MGA: variants seen among roughly 807,000 people sequenced by gnomAD.
The protein encoded by MGA is MAX dimerization protein MGA.
In MGA, 40 loss-of-function variants were observed where a neutral mutation model predicts 261.1. The observed-to-expected ratio is 0.15, with a 90% CI of 0.12 to 0.20. The LOEUF (loss-of-function observed/expected upper bound fraction) is 0.20, where lower values mean the gene tolerates loss of function less well. MGA is among the 10% of genes least tolerant of loss of function. The probability of loss-of-function intolerance (pLI) is 1.00; values close to 1 mark genes in which losing one functional copy is unlikely to be tolerated. For synonymous variants in MGA, 1,302 were observed against 1,290.6 expected (o/e 1.01, Z -0.19); for missense variants, 3,397 against 3,630.5 (o/e 0.94, Z 1.65).
At chr15:41,705,164 C>G (rs2060043475) in intron 5 of MGA, among the ~76,000 whole-genome samples, 1 of 152,090 alleles carries the variant, frequency 6.6e-6, no homozygotes, top group Non-Finnish European at 1.5e-5. Flanking sequence ...TCTCAGTTGT[C>G]TGTTACTTGG....
At position 41,711,382 on chromosome 15, in the gene MGA, G is replaced by C. The variant is rs754582076; in HGVS notation, c.3084+33G>C. ...GCTGCTGTTTTCTGGAGGTATATTA[G>C]TGCTTGGCTAGAAAGAGCGAGGTTA... is the stretch of plus-strand genomic sequence containing the variant. On this transcript the variant is annotated intron_variant, in intron 8 of 23. Transcript: ENST00000219905. The C allele has an allele frequency of 2.6e-6, 4 of 1,541,796 alleles. No homozygotes were observed. In the Admixed American group the frequency reaches 6.2e-5, roughly 24 times the overall value.
intron 1 of MGA, among the ~76,000 whole-genome samples, chr15:41,641,186 TA>T (rs1011058771): frequency 2.1e-4 from 32 of 152,354 alleles, no homozygotes; most frequent in African/African-American, 7.5e-4. Flanking sequence ...TATGGCTGAA[TA>T]ATATTTCATT....
At chr15:41,747,139 A>G (rs2062548952) in intron 15 of MGA, among the ~76,000 whole-genome samples, 1 of 152,132 alleles carries the variant, frequency 6.6e-6, no homozygotes, top group Non-Finnish European at 1.5e-5. Context: ...TTTGTTTTAA[A>G]AACATCTTTT....
upstream of MGA, among the ~76,000 whole-genome samples, chr15:41,656,833 G>C (rs1249488842): frequency 6.6e-6 from 1 of 152,178 alleles, no homozygotes; most frequent in Non-Finnish European, 1.5e-5. Flanking sequence ...CTGGAGTGCA[G>C]TGGCACAATC....
At position 41,768,344 on chromosome 15, in the gene MGA, C is replaced by T. The variant is rs1307327029; in HGVS notation, c.*1064C>T. The T allele has an allele frequency of 6.6e-6, 1 of 152,610 alleles. No homozygotes were observed. The allele number at this position is 152,610 out of a possible 1,614,324, so 9.5% of individuals were successfully genotyped here. A position where few individuals can be genotyped will look rare whatever the true frequency, so the allele number is the denominator to read the frequency against. On this transcript the variant is annotated 3_prime_UTR_variant, in exon 24 of 24. Transcript: ENST00000219905. ...CAATGATCTGTAGAGCTTTTTCACT[C>T]ATTAACTGTCAGGATATGAAGGACT...
At chr15:41,688,104 C>T (rs1027434817) in intron 2 of MGA, among the ~76,000 whole-genome samples, 1 of 152,144 alleles carries the variant, frequency 6.6e-6, no homozygotes, top group African/African-American at 2.4e-5. Context: ...GAGATGGAAC[C>T]TCGCTCTGTC....
In MGA at chr15:41,767,194, C is replaced by G; in HGVS notation, c.9112C>G (p.Arg3038Gly). Reference sequence around the variant, plus strand: ...CTTAACAGGGAATGACCAGGAAGGCCGGGAAAGCAAGGTGATGCCTACATT... The same window carrying G: ...CTTAACAGGGAATGACCAGGAAGGCGGGGAAAGCAAGGTGATGCCTACATT... The change falls in exon 24 of 24, where the codon CGG becomes GGG. Residue 3038 changes from arginine (R) to glycine (G), a missense_variant. Transcript: ENST00000219905. 2 of 1,613,994 alleles carry G rather than the reference C, an allele frequency of 1.2e-6. No homozygotes were observed. Among genetic ancestry groups the G allele is most frequent in the African/African-American group, 1.3e-5 (1 of 75,038 alleles).
rs1352363951 is a variant in MGA, at chr15:41,758,422, A to G, written c.7191+583A>G. ...AATGATGGGGGTTGGGTTGAAGTAGAGGGTGGCATTTGGTTCCTTTAAAAA... is the reference window on the plus strand; with the variant it reads ...AATGATGGGGGTTGGGTTGAAGTAGGGGGTGGCATTTGGTTCCTTTAAAAA... On this transcript the variant is annotated intron_variant, in intron 19 of 23. Coordinates refer to ENST00000219905, the MANE Select transcript of MGA (RefSeq NM_001164273.2). Among the ~76,000 whole-genome samples, 3 of 152,110 alleles carry G rather than the reference A, an allele frequency of 2.0e-5. No homozygotes were observed. In the East Asian group the frequency reaches 5.8e-4, roughly 29 times the overall value.
At chr15:41,670,805 C>T (rs1365802759) in intron 2 of MGA, among the ~76,000 whole-genome samples, 2 of 152,090 alleles carry the variant, frequency 1.3e-5, no homozygotes, top group East Asian at 1.9e-4. Flanking sequence ...CGTGCCCGGC[C>T]GTAAGCAATA....
chr15:41,642,709 G>C (rs1179327917), intron 1 of MGA, among the ~76,000 whole-genome samples: 1 of 151,980 alleles, frequency 6.6e-6, no homozygotes, highest in Non-Finnish European at 1.5e-5. Context: ...TCTTGACCTT[G>C]TGATTCCCCC....
chr15:41,706,956 C>G (rs2060150107), intron 5 of MGA, among the ~76,000 whole-genome samples: 1 of 152,168 alleles, frequency 6.6e-6, no homozygotes. Flanking sequence ...AATATTGCCT[C>G]TTAACCTATA....
intron 1 of MGA, among the ~76,000 whole-genome samples, chr15:41,653,146 C>G (rs2057102021): frequency 6.6e-6 from 1 of 152,102 alleles, no homozygotes; most frequent in South Asian, 2.1e-4. Context: ...GCAGGTGGAT[C>G]ACCTGAGGTC....
chr15:41,747,568 A>C lies in MGA; in HGVS notation c.5213-1069A>C, dbSNP rs548258388. Among the ~76,000 whole-genome samples the C allele has an allele frequency of 1.0e-4, 15 of 147,822 alleles. No individual in the cohort carries two copies. The South Asian group carries it at 1.7e-3, about 17-fold the overall frequency. ...CAACATAGCAAACTCCATCTCCACA[A>C]AAAAAAAAAAAAGCGTGCACCTGTG... On this transcript the variant is annotated intron_variant, in intron 15 of 23. Transcript: ENST00000219905.
chr15:41,745,597 A>AAT (rs1555433011), intron 15 of MGA, among the ~76,000 whole-genome samples: 49 of 151,840 alleles, frequency 3.2e-4, no homozygotes, highest in African/African-American at 1.2e-3. Context: ...ATTTAAAAAA[A>AAT]ATATATATCT....
At chr15:41,760,581 G>T in intron 20 of MGA, 52 bp downstream of exon 20, 2 of 1,554,862 alleles carry the variant, frequency 1.3e-6, no homozygotes, top group African/African-American at 2.7e-5. Flanking sequence ...GATTCTTACC[G>T]ATGATATGAG....
intron 2 of MGA, among the ~76,000 whole-genome samples, chr15:41,671,431 C>A (rs537480794): frequency 1.3e-5 from 2 of 152,174 alleles, no homozygotes; most frequent in South Asian, 4.2e-4. Flanking sequence ...TCAAGCGATT[C>A]TCCTGCCTCA....
rs776950373 is a variant in MGA, at chr15:41,766,057, A to G, written c.7975A>G (p.Thr2659Ala). The change falls in exon 24 of 24, where the codon ACA becomes GCA. Residue 2659 changes from threonine to alanine, a missense_variant. Thr to Ala is a moderately conservative substitution (Grantham distance 58, BLOSUM62 0). Around this residue, in one of 9 missense-constraint regions of MGA, gnomAD observed 647 missense variants for 642.4 expected, o/e 1.01. Coordinates refer to ENST00000219905, the MANE Select transcript of MGA (RefSeq NM_001164273.2). Reference sequence around the variant, plus strand: ...AATTGTTAATGTGACATCATTGGCCACAGAGGGAGGTTTGGTAGATATGGG... The same window carrying G: ...AATTGTTAATGTGACATCATTGGCCGCAGAGGGAGGTTTGGTAGATATGGG... 6.8e-6 allele frequency: 11 copies of G among 1,613,902 alleles called. No individual in the cohort carries two copies. Among genetic ancestry groups the G allele is most frequent in the Admixed American group, 1.7e-5 (1 of 60,010 alleles).
In MGA at chr15:41,749,304, A is replaced by G. The variant is rs182623362; in HGVS notation, c.5697A>G (p.Thr1899=). The change falls in exon 17 of 24, where the codon ACA becomes ACG. Residue 1899 remains threonine, a synonymous_variant. Coordinates refer to ENST00000219905, the MANE Select transcript of MGA (RefSeq NM_001164273.2). ...CTAGTTTTGTGTCTCAGGCTGGTACATTGACCCTGAGGATTTCTCCTCCTG... is the reference window on the plus strand; with the variant it reads ...CTAGTTTTGTGTCTCAGGCTGGTACGTTGACCCTGAGGATTTCTCCTCCTG... 39 of 1,613,984 alleles carry G rather than the reference A, an allele frequency of 2.4e-5. No individual in the cohort carries two copies.
At chr15:41,652,536 ATT>A (rs565376449) in intron 1 of MGA, among the ~76,000 whole-genome samples, 25 of 136,280 alleles carry the variant, frequency 1.8e-4, no homozygotes, top group Admixed American at 1.5e-4. Flanking sequence ...AGCTAATTAA[ATT>A]TTTTTTTTTT....
Sources: gnomAD v4.1 joint callset for allele counts (sites outside exome capture counted in the v4.1 genomes callset) on GRCh38, gnomAD v4.1.1 for gene constraint, gnomAD v4.1.1 regional missense constraint, MANE v1.5 for transcripts, NCBI Gene and HGNC (gene_info 2026-07-23, HGNC 2026-07-21) for gene names.